The following OPCML variants were observed in gnomAD, a reference collection of about 807,000 sequenced individuals.
The protein encoded by OPCML is opioid-binding protein/cell adhesion molecule.
In OPCML, 13 loss-of-function variants were observed where a neutral mutation model predicts 37.8. The observed-to-expected ratio is 0.34, with a 90% CI of 0.22 to 0.55. The LOEUF (loss-of-function observed/expected upper bound fraction) is 0.55. OPCML is among the 20% of genes least tolerant of loss of function. The pLI is 0.91. For synonymous variants in OPCML, 176 were observed against 168.8 expected, an observed-to-expected ratio of 1.04 and a Z score of -0.33; for missense variants, 341 against 435.6, an observed-to-expected ratio of 0.78 and a Z score of 1.93.
chr11:132,528,739 G>A (rs1222918253), intron 4 of OPCML, among the ~76,000 whole-genome samples: 1 of 152,118 alleles, frequency 6.6e-6, no homozygotes, highest in Non-Finnish European at 1.5e-5. Context: ...CTACTTCCAG[G>A]AAGAACAAAC....
intron 2 of OPCML, among the ~76,000 whole-genome samples, chr11:132,733,612 C>T (rs1036363987): frequency 6.6e-6 from 1 of 152,148 alleles, no homozygotes; most frequent in Non-Finnish European, 1.5e-5. Flanking sequence ...AGAGACCACA[C>T]ATTAGTAGTG....
intron 1 of OPCML, among the ~76,000 whole-genome samples, chr11:133,198,942 G>A (rs965950922): frequency 6.6e-6 from 1 of 152,116 alleles, no homozygotes; most frequent in Admixed American, 6.5e-5. Flanking sequence ...TAGTTTATTT[G>A]GGAAGGTACA....
intron 1 of OPCML, among the ~76,000 whole-genome samples, chr11:133,293,979 G>C (rs933577682): frequency 6.6e-6 from 1 of 150,826 alleles, no homozygotes; most frequent in African/African-American, 2.4e-5. Context: ...TATTGGAGCA[G>C]GTCTTTCACT....
chr11:133,068,092 T>C (rs953677268), intron 1 of OPCML: 13 of 152,192 alleles, frequency 8.5e-5, no homozygotes, highest in Non-Finnish European at 1.3e-4. Context: ...CCAACCAAAA[T>C]TGATCTAATA....
intron 1 of OPCML, among the ~76,000 whole-genome samples, chr11:133,136,930 T>C (rs1949701579): frequency 6.6e-6 from 1 of 151,794 alleles, no homozygotes; most frequent in Non-Finnish European, 1.5e-5. Context: ...ATATTATTTT[T>C]CTATAGAAAG....
chr11:132,570,785 ATATATATATATATATATT>A (rs1565674242), intron 3 of OPCML, among the ~76,000 whole-genome samples: 14 of 120,252 alleles, frequency 1.2e-4, no homozygotes, highest in African/African-American at 1.9e-4. Context: ...ATATATATAT[ATATATATATATATATATT>A]TAGAGAGAGA....
At chr11:133,287,271 C>CTTTG (rs1024050565) in intron 1 of OPCML, among the ~76,000 whole-genome samples, 1 of 133,354 alleles carries the variant, frequency 7.5e-6, no homozygotes, top group African/African-American at 2.8e-5. Context: ...TTCTTTCTTT[C>CTTTG]TTTCTTTTTT....
chr11:132,551,202 G>C (rs1411896607), intron 3 of OPCML, among the ~76,000 whole-genome samples: 1 of 152,188 alleles, frequency 6.6e-6, no homozygotes, highest in African/African-American at 2.4e-5. Flanking sequence ...GCCCCGATGT[G>C]ATTGGTCAGC....
At chr11:132,676,777 G>T (rs1418795448) in intron 2 of OPCML, among the ~76,000 whole-genome samples, 1 of 97,600 alleles carries the variant, frequency 1.0e-5, no homozygotes, top group African/African-American at 3.8e-5. Flanking sequence ...AAGAAAGAAA[G>T]AAAACAAACA....
rs527310231 is a variant in OPCML, at chr11:132,527,348, G to A, written c.505+1713C>T. Among the ~76,000 whole-genome samples, 20 of 152,212 alleles carry A rather than the reference G, an allele frequency of 1.3e-4. No individual in the cohort carries two copies. In the South Asian group the frequency reaches 3.9e-3, roughly 30 times the overall value. On this transcript the variant is annotated intron_variant, in intron 4 of 7. Transcript: ENST00000524381. ...GCTTATATGTTTTCACAGTTGCAGA[G>A]TTAATATATAAAGCTTCAGTTGATC...
intron 1 of OPCML, among the ~76,000 whole-genome samples, chr11:133,488,886 T>C (rs1192808257): frequency 6.7e-6 from 1 of 149,948 alleles, no homozygotes; most frequent in East Asian, 2.0e-4. Context: ...CATAGATCAA[T>C]GGGACAGAAG....
intron 1 of OPCML, chr11:133,003,637 T>C: frequency 1.0e-6 from 1 of 985,156 alleles, no homozygotes; most frequent in Non-Finnish European, 1.2e-6. Flanking sequence ...CACAATATTC[T>C]ATTGTTTTGT....
chr11:133,464,143 T>G (rs1407315175), intron 1 of OPCML, among the ~76,000 whole-genome samples: 1 of 152,162 alleles, frequency 6.6e-6, no homozygotes, highest in East Asian at 1.9e-4. Context: ...TCCTCAGTCA[T>G]CAACTTAATT....
At chr11:132,654,820 A>C in intron 3 of OPCML, among the ~76,000 whole-genome samples, 2 of 151,672 alleles carry the variant, frequency 1.3e-5, no homozygotes, top group Non-Finnish European at 1.5e-5. Context: ...TCCTCCCCAA[A>C]AGAATATCCT....
At chr11:133,239,099 A>T (rs1171906676) in intron 1 of OPCML, among the ~76,000 whole-genome samples, 1 of 152,220 alleles carries the variant, frequency 6.6e-6, no homozygotes, top group African/African-American at 2.4e-5. Flanking sequence ...CTGCAGTCAC[A>T]GGTGTGCAGG....
At position 133,365,048 on chromosome 11, in the gene OPCML, TCACACACACACACACACA is replaced by T. The variant is rs3220326; in HGVS notation, c.61+167198_61+167215del. 5.5e-5 allele frequency among the ~76,000 whole-genome samples: 8 copies of T among 146,578 alleles called. No individual in the cohort carries two copies. In the East Asian group the frequency reaches 6.1e-4, roughly 11 times the overall value. On this transcript the variant is annotated intron_variant, in intron 1 of 7. Coordinates refer to ENST00000524381, the MANE Select transcript of OPCML (RefSeq NM_001012393.5). ...GCCTCTCTCTCTATCTCTCTCTCTT[TCACACACACACACACACA>T]CACACACACACACACACTTATATAC...
Position 132,469,270 on chromosome 11 carries a change from A to G in OPCML, c.506-31911T>C, listed in dbSNP as rs565743918. On this transcript the variant is annotated intron_variant, in intron 4 of 7. Coordinates refer to ENST00000524381, the MANE Select transcript of OPCML (RefSeq NM_001012393.5). ...CAAAATCACAATTTAAAAGTGAAAC[A>G]AGGTGATGCTTTAGAGAATAACTGG... Among the ~76,000 whole-genome samples, 4 of 152,362 alleles carry G rather than the reference A, an allele frequency of 2.6e-5. No homozygotes were observed. The South Asian group carries it at 8.3e-4, about 32-fold the overall frequency.
intron 4 of OPCML, among the ~76,000 whole-genome samples, chr11:132,468,153 C>G (rs146016898): frequency 3.6e-4 from 55 of 152,312 alleles, no homozygotes; most frequent in African/African-American, 1.3e-3. Context: ...TCTTGTTGAT[C>G]TCTAAACTGC....
chr11:132,763,950 C>T lies in OPCML; in HGVS notation c.147-106631G>A, dbSNP rs749299881. On this transcript the variant is annotated intron_variant, in intron 2 of 7. Coordinates refer to ENST00000524381, the MANE Select transcript of OPCML (RefSeq NM_001012393.5). The stretch of plus-strand genomic sequence containing the variant: ...CAACTTGTGAATATGAAGGCAACCA[C>T]GTTCTGGCCTCAGAAGCCTTGCTTT... Among the ~76,000 whole-genome samples the T allele has an allele frequency of 3.3e-5, 5 of 152,240 alleles. No individual in the cohort carries two copies. The East Asian group carries it at 5.8e-4, about 18-fold the overall frequency.
Sources: gnomAD v4.1 joint callset for allele counts (sites outside exome capture counted in the v4.1 genomes callset) on GRCh38, gnomAD v4.1.1 for gene constraint, MANE v1.5 for transcripts, NCBI Gene and HGNC (gene_info 2026-07-23, HGNC 2026-07-21) for gene names.